RAG1: variants seen among roughly 807,000 people sequenced by gnomAD.
RAG1 encodes V(D)J recombination-activating protein 1.
In RAG1, 35 loss-of-function variants were observed where a neutral mutation model predicts 62.7. The ratio of observed to expected loss-of-function variants is 0.56; its 90% CI spans 0.43 to 0.74. The LOEUF (loss-of-function observed/expected upper bound fraction) is 0.74. Ranked by LOEUF, RAG1 falls within the 30% of genes least tolerant of loss-of-function variation. The probability of loss-of-function intolerance (pLI) is 0.00; values close to 1 mark genes in which losing one functional copy is unlikely to be tolerated. For missense variants in RAG1, 1,169 were observed against 1,278.6 expected, an observed-to-expected ratio of 0.91 and a Z score of 1.31; for synonymous variants, 461 against 470.3, an observed-to-expected ratio of 0.98 and a Z score of 0.26.
intron 1 of RAG1, among the ~76,000 whole-genome samples, chr11:36,570,466 A>G (rs1850723921): frequency 6.6e-6 from 1 of 152,248 alleles, no homozygotes; most frequent in East Asian, 1.9e-4. Flanking sequence ...GATAAAAAAT[A>G]GTGCAGCAAT....
chr11:36,568,598 A>G (rs1850693131), intron 1 of RAG1, among the ~76,000 whole-genome samples: 1 of 152,258 alleles, frequency 6.6e-6, no homozygotes, highest in South Asian at 2.1e-4. Context: ...TCATTTTAGA[A>G]TCACTGAATG....
intron 1 of RAG1, among the ~76,000 whole-genome samples, chr11:36,571,234 T>C (rs946168188): frequency 6.6e-6 from 1 of 152,154 alleles, no homozygotes; most frequent in Non-Finnish European, 1.5e-5. Flanking sequence ...TGATGAGCTC[T>C]AGAGATGGTC....
Position 36,575,666 on chromosome 11 carries a change from A to T in RAG1, c.2362A>T (p.Ile788Phe), listed in dbSNP as rs752146257. ...GAAAGGGGTCTCAGCTAAACCTTTC[A>T]TTGAGACAGTCCCTTCCATAGATGC... is the stretch of plus-strand genomic sequence containing the variant. ...RVKGVSAKPF[I>F]ETVPSIDALH... The change falls in exon 2 of 2, where the codon ATT becomes TTT. Residue 788 changes from isoleucine (I) to phenylalanine (F), a missense_variant. Physicochemically the swap from Ile to Phe is conservative, Grantham distance 21. Around this residue, in one of 2 missense-constraint regions of RAG1, gnomAD observed 800 missense variants for 943.3 expected, o/e 0.85. Coordinates refer to ENST00000299440, the MANE Select transcript of RAG1 (RefSeq NM_000448.3). The surrounding 1 kb of genome is among the most constrained non-coding windows in gnomAD (Gnocchi z 4.1). 2.5e-6 allele frequency: 4 copies of T among 1,614,064 alleles called. No homozygotes were observed. In the African/African-American group the frequency reaches 5.3e-5, roughly 22 times the overall value.
rs1382674775 is a variant in RAG1 at position 36,575,058 on chromosome 11, A to T, written c.1754A>T (p.Asp585Val). The T allele has an allele frequency of 6.2e-7, 1 of 1,614,096 alleles. No individual in the cohort carries two copies. The highest frequency in any genetic ancestry group is 1.1e-5 in the South Asian group (1 of 91,050). ...EDILEGMRSQDLDDYLNGPFT... is the reference protein window; with the variant it reads ...EDILEGMRSQVLDDYLNGPFT... The stretch of plus-strand genomic sequence containing the variant: ...ATCTTGGAAGGCATGAGATCCCAAG[A>T]CCTTGATGATTACCTGAATGGCCCC... Residue 585 changes from aspartate (D) to valine (V), a missense_variant, in exon 2 of 2, where the codon GAC becomes GTC. Coordinates refer to ENST00000299440, the MANE Select transcript of RAG1 (RefSeq NM_000448.3). This position sits in a 1 kb window ranked among gnomAD's most constrained non-coding sequence, Gnocchi z 4.1.
rs560947063 is a variant in RAG1, at chr11:36,576,555, G to A, written c.*119G>A. Reference sequence around the variant, plus strand: ...GGGCTTCACCATCCAAGAGGTGGTAGGTTGGAGTAAGATGCTACAGATGCT... The same window carrying A: ...GGGCTTCACCATCCAAGAGGTGGTAAGTTGGAGTAAGATGCTACAGATGCT... On this transcript the variant is annotated 3_prime_UTR_variant, in exon 2 of 2. Coordinates refer to ENST00000299440, the MANE Select transcript of RAG1 (RefSeq NM_000448.3). The A allele has an allele frequency of 1.6e-6, 2 of 1,254,138 alleles. No individual in the cohort carries two copies. The highest frequency in any genetic ancestry group is 3.0e-5 in the African/African-American group (2 of 67,500). The allele number at this position is 1,254,138 out of a possible 1,614,324, so 77.7% of individuals were successfully genotyped here.
chr11:36,540,937 A>G (rs539580975), downstream of RAG1, among the ~76,000 whole-genome samples: 2 of 152,250 alleles, frequency 1.3e-5, no homozygotes, highest in African/African-American at 4.8e-5. Context: ...TCTGTTTCCT[A>G]CCTAGGTTTA....
chr11:36,557,900 T>C (rs1345283111), intron 3 of RAG1, among the ~76,000 whole-genome samples: 1 of 152,222 alleles, frequency 6.6e-6, no homozygotes, highest in Non-Finnish European at 1.5e-5. Flanking sequence ...CTTTATAGTA[T>C]ATTGATCTTA....
chr11:36,519,425 C>G (rs1860044630), intron 1 of RAG1, among the ~76,000 whole-genome samples: 1 of 152,142 alleles, frequency 6.6e-6, no homozygotes, highest in African/African-American at 2.4e-5. Context: ...ACACATCAAG[C>G]ATTTTTATTT....
downstream of RAG1, among the ~76,000 whole-genome samples, chr11:36,537,924 C>G (rs1860357262): frequency 6.6e-6 from 1 of 152,002 alleles, no homozygotes; most frequent in Non-Finnish European, 1.5e-5. Context: ...TTAGATCGTT[C>G]CTCCAGTTTG....
intron 2 of RAG1, among the ~76,000 whole-genome samples, chr11:36,530,844 G>A (rs1860242467): frequency 6.6e-6 from 1 of 151,984 alleles, no homozygotes; most frequent in East Asian, 1.9e-4. Context: ...TGGTGTTGTT[G>A]AGTTCTTATA....
In RAG1 at chr11:36,542,600, G is replaced by A. The variant is rs190629042; in HGVS notation, c.-412+6566G>A. On this transcript the variant is annotated intron_variant and NMD_transcript_variant, in intron 3 of 9. Transcript: ENST00000534663. ...TGCCTGCTGTACAGAAAAGGTCTCT[G>A]ACCAGCCACTCCTTTGCTTGTTCCC... Among the ~76,000 whole-genome samples the A allele has an allele frequency of 3.5e-3, 530 of 152,270 alleles. 4 individuals are homozygous for A. Among genetic ancestry groups the A allele is most frequent in the African/African-American group, 0.013 (521 of 41,552 alleles).
chr11:36,566,575 C>T (rs1170702823), upstream of RAG1: 1 of 152,234 alleles, frequency 6.6e-6, no homozygotes, highest in Non-Finnish European at 1.5e-5. Context: ...TGACTCCTCT[C>T]TACTTGACCT....
chr11:36,541,706 C>T lies in RAG1; in HGVS notation c.-412+5672C>T, dbSNP rs116866974. Among the ~76,000 whole-genome samples, 18 of 152,144 alleles carry T rather than the reference C, an allele frequency of 1.2e-4. 1 individual carries two copies. The East Asian group carries it at 1.7e-3, about 15-fold the overall frequency. On this transcript the variant is annotated intron_variant and NMD_transcript_variant, in intron 3 of 9. Transcript: ENST00000534663. ...GCCCCCACTCTTAGTTGCCCTCACCCGAACCAAAAGTTTAGTCTAATATAA... is the reference window on the plus strand; with the variant it reads ...GCCCCCACTCTTAGTTGCCCTCACCTGAACCAAAAGTTTAGTCTAATATAA...
At chr11:36,513,975 C>T (rs567021094) in intron 1 of RAG1, among the ~76,000 whole-genome samples, 23 of 152,260 alleles carry the variant, frequency 1.5e-4, no homozygotes, top group African/African-American at 4.8e-4. Flanking sequence ...GTGGAAATGA[C>T]GGAATGTGCC....
chr11:36,577,447 C>T lies in RAG1; in HGVS notation c.*1011C>T, dbSNP rs1452237974. On this transcript the variant is annotated 3_prime_UTR_variant, in exon 2 of 2. Transcript: ENST00000299440. ...AATCTAGGTTTCATAGAGTCCTCTC[C>T]TCTGCAATGTGTTATTCTTTCTATA... 1 of 167,026 alleles carries T rather than the reference C, an allele frequency of 6.0e-6. No individual in the cohort carries two copies. Among genetic ancestry groups the T allele is most frequent in the Non-Finnish European group, 1.5e-5 (1 of 68,122 alleles). The allele number at this position is 167,026 out of a possible 1,614,324, so 10.3% of individuals were successfully genotyped here.
intron 2 of RAG1, among the ~76,000 whole-genome samples, chr11:36,528,744 C>G (rs986205880): frequency 2.0e-5 from 3 of 151,726 alleles, no homozygotes; most frequent in Admixed American, 6.6e-5. Flanking sequence ...AAATAGACCA[C>G]TAGCAAGACT....
At chr11:36,520,554 G>A (rs1413230100) in intron 2 of RAG1, among the ~76,000 whole-genome samples, 1 of 152,230 alleles carries the variant, frequency 6.6e-6, no homozygotes, top group Admixed American at 6.5e-5. Flanking sequence ...TGGGATTACA[G>A]GCATGAGCCA....
chr11:36,525,934 G>T (rs974314819), intron 2 of RAG1, among the ~76,000 whole-genome samples: 2 of 152,058 alleles, frequency 1.3e-5, no homozygotes, highest in Non-Finnish European at 2.9e-5. Context: ...CTAACACTAT[G>T]TTATATAAGA....
chr11:36,516,773 A>G (rs1327056004), intron 1 of RAG1, among the ~76,000 whole-genome samples: 1 of 152,238 alleles, frequency 6.6e-6, no homozygotes, highest in Non-Finnish European at 1.5e-5. Context: ...AAGGATGCCT[A>G]CATGTCCTTT....
Sources: allele counts gnomAD v4.1 joint callset (sites outside exome capture counted in the v4.1 genomes callset), GRCh38; gene constraint gnomAD v4.1.1; regional missense constraint gnomAD v4.1.1; non-coding constraint Gnocchi (gnomAD v3.1); transcripts MANE v1.5; gene names NCBI Gene and HGNC (gene_info 2026-07-23, HGNC 2026-07-21).